Variants in CTNNA2 observed in about 807,000 individuals in gnomAD.
CTNNA2 encodes catenin alpha 2.
A neutral mutation model predicts 101.0 loss-of-function variants in CTNNA2; 42 were observed. That is an observed-to-expected ratio of 0.42 (90% CI 0.32 to 0.54). The LOEUF (loss-of-function observed/expected upper bound fraction) is 0.54, where lower values mean the gene tolerates loss of function less well. Ranked by LOEUF, CTNNA2 falls within the 20% of genes least tolerant of loss-of-function variation. The pLI, the probability that CTNNA2 is intolerant of heterozygous loss-of-function variation, is 0.14. For synonymous variants in CTNNA2, 450 were observed against 456.4 expected, an observed-to-expected ratio of 0.99 and a Z score of 0.18; for missense variants, 871 against 1,223.1, an observed-to-expected ratio of 0.71 and a Z score of 4.29.
In CTNNA2 at chr2:80,519,321, A is replaced by G. The variant is rs111618941; in HGVS notation, c.1291-25661A>G. Among the ~76,000 whole-genome samples the G allele has an allele frequency of 5.8e-3, 883 of 152,302 alleles. 7 individuals carry two copies. The highest frequency in any genetic ancestry group is 9.6e-3 in the Admixed American group (147 of 15,298). On this transcript the variant is annotated intron_variant, in intron 9 of 18. Transcript: ENST00000402739. ...GCTGATGAAACAATAAAACACAGAA[A>G]CGCATTGCCAAATCCAGACCGAAAA...
At chr2:79,468,886 A>T (rs1483613000) in intron 4 of CTNNA2, among the ~76,000 whole-genome samples, 1 of 152,234 alleles carries the variant, frequency 6.6e-6, no homozygotes, top group East Asian at 1.9e-4. Flanking sequence ...AGCAGTGTGT[A>T]GAGGGAAATT....
At chr2:80,150,546 T>A (rs1203174041) in intron 7 of CTNNA2, among the ~76,000 whole-genome samples, 1 of 152,176 alleles carries the variant, frequency 6.6e-6, no homozygotes, top group Non-Finnish European at 1.5e-5. Flanking sequence ...TAAAGCCTGT[T>A]TTTCATGTTT....
At chr2:80,626,801 G>T (rs1321649287) in intron 18 of CTNNA2, among the ~76,000 whole-genome samples, 1 of 151,918 alleles carries the variant, frequency 6.6e-6, no homozygotes, top group Non-Finnish European at 1.5e-5. Flanking sequence ...TGCCATGGTG[G>T]TTTGCTGCAC....
chr2:79,950,779 C>A (rs1688825533), intron 7 of CTNNA2, among the ~76,000 whole-genome samples: 1 of 152,164 alleles, frequency 6.6e-6, no homozygotes, highest in Non-Finnish European at 1.5e-5. Flanking sequence ...ATGGCTGGCA[C>A]ATATAATGGC....
chr2:79,193,092 T>C (rs956894435), intron 1 of CTNNA2, among the ~76,000 whole-genome samples: 4 of 152,222 alleles, frequency 2.6e-5, no homozygotes. Flanking sequence ...AAGTTTACAC[T>C]ATATGTAAAT....
chr2:80,527,285 A>G (rs1446077467), intron 9 of CTNNA2, among the ~76,000 whole-genome samples: 1 of 152,192 alleles, frequency 6.6e-6, no homozygotes, highest in African/African-American at 2.4e-5. Flanking sequence ...TGGACTTTAG[A>G]AAACAGGGCA....
chr2:80,519,119 T>TTGTG (rs138881791), intron 9 of CTNNA2, among the ~76,000 whole-genome samples: 3 of 151,880 alleles, frequency 2.0e-5, no homozygotes, highest in African/African-American at 7.2e-5. Flanking sequence ...TCTTTCTCTT[T>TTGTG]TGTGTGTGTG....
At chr2:79,383,007 A>G (rs1172112838) in intron 4 of CTNNA2, among the ~76,000 whole-genome samples, 1 of 152,236 alleles carries the variant, frequency 6.6e-6, no homozygotes, top group East Asian at 1.9e-4. Context: ...GAAAAGAAGA[A>G]TAACACATTG....
intron 4 of CTNNA2, among the ~76,000 whole-genome samples, chr2:79,394,130 C>T (rs1029319526): frequency 6.6e-6 from 1 of 152,216 alleles, no homozygotes; most frequent in Middle Eastern, 3.4e-3. Context: ...GAGGCTTTTA[C>T]GTGCATTAAA....
At chr2:79,786,633 A>T (rs1417548963) in intron 3 of CTNNA2, among the ~76,000 whole-genome samples, 1 of 152,094 alleles carries the variant, frequency 6.6e-6, no homozygotes, top group East Asian at 1.9e-4. Flanking sequence ...AATTCAGCTA[A>T]GATTTACCTG....
chr2:79,670,584 G>A (rs1236512211), intron 2 of CTNNA2, among the ~76,000 whole-genome samples: 5 of 152,160 alleles, frequency 3.3e-5, no homozygotes, highest in African/African-American at 1.2e-4. Flanking sequence ...AATAATTGTG[G>A]TTTACCAGTT....
chr2:79,986,433 T>C (rs938591976), intron 7 of CTNNA2, among the ~76,000 whole-genome samples: 3 of 152,142 alleles, frequency 2.0e-5, no homozygotes, highest in African/African-American at 7.2e-5. Context: ...TGGAGAACTG[T>C]TGGTGGGACC....
chr2:79,192,061 G>A (rs184215443), intron 1 of CTNNA2, among the ~76,000 whole-genome samples: 1 of 152,134 alleles, frequency 6.6e-6, no homozygotes, highest in East Asian at 1.9e-4. Flanking sequence ...GAAGTCGGTG[G>A]AAGAGTGAGT....
intron 7 of CTNNA2, among the ~76,000 whole-genome samples, chr2:80,283,093 A>C (rs1674509446): frequency 6.6e-6 from 1 of 152,154 alleles, no homozygotes. Flanking sequence ...GTAAATCAAT[A>C]AAATTTAGGA....
intron 4 of CTNNA2, among the ~76,000 whole-genome samples, chr2:79,432,764 T>TCTCTGTTTCAA: frequency 6.6e-6 from 1 of 152,352 alleles, no homozygotes; most frequent in African/African-American, 2.4e-5. Context: ...AAGAGAAACT[T>TCTCTGTTTCAA]ATTCTCTGTC....
chr2:79,625,664 CA>C (rs1679258852), intron 1 of CTNNA2, among the ~76,000 whole-genome samples: 1 of 152,032 alleles, frequency 6.6e-6, no homozygotes, highest in African/African-American at 2.4e-5. Flanking sequence ...GGAGAAGCAG[CA>C]AAAAGACCAG....
At chr2:80,131,568 G>A (rs1702415770) in intron 7 of CTNNA2, among the ~76,000 whole-genome samples, 1 of 152,180 alleles carries the variant, frequency 6.6e-6, no homozygotes, top group South Asian at 2.1e-4. Context: ...AATGAGGATA[G>A]AAAATTTACT....
At chr2:79,431,507 C>T (rs767326144) in intron 4 of CTNNA2, among the ~76,000 whole-genome samples, 12 of 152,136 alleles carry the variant, frequency 7.9e-5, no homozygotes, top group Non-Finnish European at 1.6e-4. Context: ...GAAAACTATT[C>T]GCTCTTAAAA....
At chr2:79,490,995 G>A (rs1055554278) in intron 4 of CTNNA2, among the ~76,000 whole-genome samples, 1 of 152,144 alleles carries the variant, frequency 6.6e-6, no homozygotes, top group Non-Finnish European at 1.5e-5. Context: ...CTGTGAAACT[G>A]TAATTATTAT....
Sources: allele counts gnomAD v4.1 joint callset (sites outside exome capture counted in the v4.1 genomes callset), GRCh38; gene constraint gnomAD v4.1.1; transcripts MANE v1.5; gene names NCBI Gene and HGNC (gene_info 2026-07-23, HGNC 2026-07-21).